Variants in ACOT1 observed in about 807,000 individuals in gnomAD.
ACOT1 encodes the protein acyl-CoA thioesterase 1.
Under a neutral mutation model 15.7 loss-of-function variants are expected in ACOT1, and 8 were observed. The ratio of observed to expected loss-of-function variants is 0.51; its 90% CI spans 0.30 to 0.92. The LOEUF is 0.92. Among genes scored for constraint, ACOT1 ranks in the 40% least tolerant of loss-of-function variants. The pLI is 0.06. For synonymous variants in ACOT1, 67 were observed against 241.2 expected (o/e 0.28, Z 6.69); for missense variants, 151 against 539.4 (o/e 0.28, Z 7.13).
chr14:73,492,686 C>T, the ACOT1 span: 4 of 1,613,936 alleles, frequency 2.5e-6, no homozygotes, highest in Non-Finnish European at 3.4e-6. The surrounding 1 kb of genome is among the most constrained non-coding windows in gnomAD (Gnocchi z 4.9). Context: ...TGGGATAGCT[C>T]GGCTGGTGGG....
At chr14:73,531,633 T>A in the ACOT1 span, among the ~76,000 whole-genome samples, 2 of 109,664 alleles carry the variant, frequency 1.8e-5, no homozygotes, top group African/African-American at 5.9e-5. Flanking sequence ...GTTCTCGAAC[T>A]CCTGACCTCA....
At chr14:73,508,203 C>G in the ACOT1 span, 1 of 1,614,030 alleles carries the variant, frequency 6.2e-7, no homozygotes, top group Admixed American at 1.7e-5. Context: ...TCTTTGTAAA[C>G]AGCTGGTGGA....
At chr14:73,517,664 T>C in the ACOT1 span, among the ~76,000 whole-genome samples, 1 of 52,898 alleles carries the variant, frequency 1.9e-5, no homozygotes, top group African/African-American at 8.9e-5. Flanking sequence ...TGAGACCCTG[T>C]CAAAAAAAAA....
the ACOT1 span, among the ~76,000 whole-genome samples, chr14:73,500,889 A>G: frequency 6.6e-6 from 1 of 152,140 alleles, no homozygotes; most frequent in Non-Finnish European, 1.5e-5. Context: ...ACAGAGCTCG[A>G]TTGTCTTCTT....
the ACOT1 span, chr14:73,522,495 T>C: frequency 6.2e-7 from 1 of 1,614,218 alleles, no homozygotes; most frequent in Non-Finnish European, 8.5e-7. Flanking sequence ...GGACGCTTGC[T>C]CTGGATCCAT....
At chr14:73,521,279 C>T in the ACOT1 span, among the ~76,000 whole-genome samples, 1 of 152,254 alleles carries the variant, frequency 6.6e-6, no homozygotes, top group Admixed American at 6.5e-5. Flanking sequence ...ATGCCTTCTG[C>T]AGCCACCAAG....
At chr14:73,533,295 C>T (rs1415330927), upstream of ACOT1, among the ~76,000 whole-genome samples, 6 of 115,098 alleles carry the variant, frequency 5.2e-5, no homozygotes, top group Non-Finnish European at 1.1e-4. Flanking sequence ...AATAGCCAAA[C>T]GGTGGAAAGA....
the ACOT1 span, chr14:73,522,668 CG>C: frequency 5.6e-5 from 91 of 1,614,170 alleles, 1 homozygote; most frequent in East Asian, 6.7e-4. Context: ...GATGAGAGGG[CG>C]GGGTGCTTCC....
the ACOT1 span, among the ~76,000 whole-genome samples, chr14:73,510,797 C>T: frequency 6.6e-6 from 1 of 152,058 alleles, no homozygotes; most frequent in Admixed American, 6.6e-5. Context: ...AGCACAGGAG[C>T]ATGTTGTTTA....
the ACOT1 span, chr14:73,523,175 C>G: frequency 1.9e-6 from 3 of 1,547,226 alleles, no homozygotes; most frequent in Non-Finnish European, 8.7e-7. Flanking sequence ...CAAATGCTTC[C>G]TTCCACACTG....
chr14:73,526,575 C>T, the ACOT1 span, among the ~76,000 whole-genome samples: 1 of 151,988 alleles, frequency 6.6e-6, no homozygotes, highest in Non-Finnish European at 1.5e-5. Context: ...AAGACAAAGT[C>T]CAGAAGACTT....
chr14:73,499,043 A>T, the ACOT1 span: 1 of 1,595,620 alleles, frequency 6.3e-7, no homozygotes, highest in Non-Finnish European at 8.6e-7. Context: ...TTAAGGTTGA[A>T]GAGTTTGGGG....
In ACOT1 at chr14:73,541,790, A is replaced by T; in HGVS notation, c.660+95A>T. On this transcript the variant is annotated intron_variant, in intron 2 of 2. Transcript: ENST00000311148. Reference sequence around the variant, plus strand: ...AGAAGTTAGCTCATTCATGACAGCCATTCCCTACCCCAACACACACTACCT... The same window carrying T: ...AGAAGTTAGCTCATTCATGACAGCCTTTCCCTACCCCAACACACACTACCT... The T allele has an allele frequency of 2.4e-6, 2 of 817,590 alleles. 1 individual carries two copies. The highest frequency in any genetic ancestry group is 3.6e-6 in the Non-Finnish European group (2 of 552,096). 50.6% of individuals were successfully genotyped at this position (817,590 alleles called of 1,614,324 possible).
At chr14:73,504,665 A>G in the ACOT1 span, among the ~76,000 whole-genome samples, 1 of 152,174 alleles carries the variant, frequency 6.6e-6, no homozygotes, top group Non-Finnish European at 1.5e-5. Flanking sequence ...TCAGGTGATT[A>G]CTGTACTGAG....
At chr14:73,491,784 T>C in the ACOT1 span, 1 of 1,579,908 alleles carries the variant, frequency 6.3e-7, no homozygotes, top group Non-Finnish European at 8.6e-7. Context: ...AACGAGGAGG[T>C]GCAGTTCGGC....
At chr14:73,512,030 T>G in the ACOT1 span, 5 of 1,614,032 alleles carry the variant, frequency 3.1e-6, no homozygotes, top group Non-Finnish European at 4.2e-6. Flanking sequence ...CTGGTGGCAA[T>G]CCGGGGCCGT....
chr14:73,502,789 C>T, the ACOT1 span: 35 of 779,932 alleles, frequency 4.5e-5, 1 homozygote, highest in Middle Eastern at 5.2e-4. Context: ...CCTCGTGATC[C>T]GCCCACCCCG....
chr14:73,513,497 G>C, the ACOT1 span, among the ~76,000 whole-genome samples: 5 of 151,402 alleles, frequency 3.3e-5, no homozygotes, highest in Non-Finnish European at 7.4e-5. Flanking sequence ...TGGCCAAGGC[G>C]GGCAGATCAC....
chr14:73,498,966 C>A, the ACOT1 span: 1 of 923,690 alleles, frequency 1.1e-6, no homozygotes, highest in Non-Finnish European at 1.8e-6. Flanking sequence ...AAGATCATTA[C>A]CTCTCCTGCA....
Sources: gnomAD v4.1 joint callset for allele counts (sites outside exome capture counted in the v4.1 genomes callset) on GRCh38, gnomAD v4.1.1 for gene constraint, Gnocchi (gnomAD v3.1) non-coding constraint, MANE v1.5 for transcripts, NCBI Gene and HGNC (gene_info 2026-07-23, HGNC 2026-07-21) for gene names.